PRKG1: variants seen among roughly 807,000 people sequenced by gnomAD.
PRKG1 encodes cGMP-dependent protein kinase 1.
Under a neutral mutation model 88.1 loss-of-function variants are expected in PRKG1, and 35 were observed. The ratio of observed to expected loss-of-function variants is 0.40; its 90% CI spans 0.30 to 0.53. The LOEUF (loss-of-function observed/expected upper bound fraction) is 0.53, where lower values mean the gene tolerates loss of function less well. Ranked by LOEUF, PRKG1 falls within the 20% of genes least tolerant of loss-of-function variation. The pLI is 0.59. For missense variants in PRKG1, 540 were observed against 839.8 expected, an observed-to-expected ratio of 0.64 and a Z score of 4.41; for synonymous variants, 303 against 292.5, an observed-to-expected ratio of 1.04 and a Z score of -0.37.
At chr10:51,604,083 C>T (rs952916574) in intron 3 of PRKG1, among the ~76,000 whole-genome samples, 34 of 104,974 alleles carry the variant, frequency 3.2e-4, no homozygotes, top group African/African-American at 1.2e-3. Context: ...AAGATCTGGT[C>T]CCTGCCTTTT....
In PRKG1 at chr10:52,112,187, A is replaced by G. The variant is rs79566039; in HGVS notation, c.936-21653A>G. 9.7e-3 allele frequency among the ~76,000 whole-genome samples: 1,472 copies of G among 152,230 alleles called. 22 individuals are homozygous for G. The highest frequency in any genetic ancestry group is 0.03 in the African/African-American group (1,248 of 41,536). On this transcript the variant is annotated intron_variant, in intron 7 of 17. Coordinates refer to ENST00000373980, the MANE Select transcript of PRKG1 (RefSeq NM_006258.4). ...AAATCTGGTCAATATCTCCTTTTTC[A>G]CATACTCACTCCTAAGGTTTCTACC...
At chr10:51,159,796 A>T (rs965943348) in intron 2 of PRKG1, among the ~76,000 whole-genome samples, 14 of 152,288 alleles carry the variant, frequency 9.2e-5, no homozygotes, top group African/African-American at 3.4e-4. Context: ...ACTGTTTTTA[A>T]GTGTGAAAAC....
chr10:51,888,533 A>G (rs1213784474), intron 4 of PRKG1, among the ~76,000 whole-genome samples: 1 of 152,224 alleles, frequency 6.6e-6, no homozygotes, highest in Non-Finnish European at 1.5e-5. Flanking sequence ...TCATAGACAC[A>G]GCTTCACTTT....
At chr10:51,766,521 C>G (rs183722537) in intron 3 of PRKG1, among the ~76,000 whole-genome samples, 1 of 152,208 alleles carries the variant, frequency 6.6e-6, no homozygotes, top group Admixed American at 6.5e-5. Context: ...CCTATCTGTG[C>G]CTGCAGTTTA....
chr10:51,539,726 T>C (rs564515635), intron 3 of PRKG1, among the ~76,000 whole-genome samples: 2 of 152,252 alleles, frequency 1.3e-5, no homozygotes, highest in Admixed American at 1.3e-4. Context: ...CCAGAGGAGA[T>C]AGGGTCAAAA....
At chr10:51,273,752 G>C in intron 2 of PRKG1, among the ~76,000 whole-genome samples, 1 of 152,200 alleles carries the variant, frequency 6.6e-6, no homozygotes, top group East Asian at 1.9e-4. Flanking sequence ...CTGGGGAAGA[G>C]AAACTGGAAC....
At chr10:50,993,905 T>G (rs1195143640) in intron 1 of PRKG1, among the ~76,000 whole-genome samples, 1 of 152,220 alleles carries the variant, frequency 6.6e-6, no homozygotes, top group Non-Finnish European at 1.5e-5. Flanking sequence ...TCTGTCCTTC[T>G]CTCTTCCCCT....
At chr10:51,153,941 T>C (rs1846141907) in intron 2 of PRKG1, among the ~76,000 whole-genome samples, 3 of 152,058 alleles carry the variant, frequency 2.0e-5, no homozygotes, top group Non-Finnish European at 2.9e-5. Context: ...TAATTTTTCA[T>C]AATACTTCTT....
At chr10:51,869,104 T>C (rs1436922892) in intron 4 of PRKG1, among the ~76,000 whole-genome samples, 2 of 152,224 alleles carry the variant, frequency 1.3e-5, no homozygotes, top group Non-Finnish European at 2.9e-5. Context: ...TGACTTTCAA[T>C]CTATGAATAT....
chr10:51,888,511 TTTA>T (rs1208417172), intron 4 of PRKG1, among the ~76,000 whole-genome samples: 18 of 152,256 alleles, frequency 1.2e-4, no homozygotes, highest in African/African-American at 3.6e-4. Context: ...CAATGGGACT[TTTA>T]TAGGCTGATC....
At position 51,082,226 on chromosome 10, in the gene PRKG1, C is replaced by G. The variant is rs34106354; in HGVS notation, c.311+7325C>G. 0.01 allele frequency among the ~76,000 whole-genome samples: 1,550 copies of G among 152,218 alleles called. 65 individuals are homozygous for G. In the East Asian group the frequency reaches 0.15, roughly 14 times the overall value. On this transcript the variant is annotated intron_variant, in intron 1 of 17. Transcript: ENST00000373980. ...TGAGCTCCAGAGCTTTTCTCCTTAG[C>G]CACTAGGCTCTCTTACTGCCCAAAG...
intron 2 of PRKG1, among the ~76,000 whole-genome samples, chr10:51,405,560 A>G (rs776621669): frequency 2.6e-5 from 4 of 152,228 alleles, no homozygotes; most frequent in Non-Finnish European, 5.9e-5. Flanking sequence ...GATTAAAACC[A>G]TATCGGAAAT....
Position 51,940,531 on chromosome 10 carries a change from G to GT in PRKG1, c.762+32966dup, listed in dbSNP as rs1295688181. On this transcript the variant is annotated intron_variant, in intron 5 of 17. Coordinates refer to ENST00000373980, the MANE Select transcript of PRKG1 (RefSeq NM_006258.4). ...TTGGATACCTATGATGGCTATACTG[G>GT]TTTTTCAAAGTTCAAGGAAAAATGG... Among the ~76,000 whole-genome samples the GT allele has an allele frequency of 2.0e-5, 3 of 151,772 alleles. 1 individual carries two copies. The highest frequency in any genetic ancestry group is 1.3e-4 in the Admixed American group (2 of 15,220).
intron 4 of PRKG1, among the ~76,000 whole-genome samples, chr10:51,850,479 T>C (rs1461930060): frequency 6.7e-6 from 1 of 150,068 alleles, no homozygotes; most frequent in Non-Finnish European, 1.5e-5. Flanking sequence ...GTCCAGCCCA[T>C]GTTGCAATTT....
chr10:51,217,594 A>G (rs1281104702), intron 2 of PRKG1, among the ~76,000 whole-genome samples: 1 of 152,156 alleles, frequency 6.6e-6, no homozygotes, highest in Non-Finnish European at 1.5e-5. Context: ...TTACACAAAT[A>G]AAGTGCCTCT....
intron 2 of PRKG1, among the ~76,000 whole-genome samples, chr10:51,253,722 G>A (rs1196151313): frequency 2.0e-5 from 3 of 151,860 alleles, no homozygotes; most frequent in African/African-American, 7.3e-5. Context: ...TTATCAGCGA[G>A]GTGCAGAGGA....
chr10:51,158,753 G>A (rs1387777963), intron 2 of PRKG1, among the ~76,000 whole-genome samples: 1 of 151,858 alleles, frequency 6.6e-6, no homozygotes, highest in African/African-American at 2.4e-5. Context: ...GTACCTTGGA[G>A]GCCTTATTTT....
intron 1 of PRKG1, among the ~76,000 whole-genome samples, chr10:51,107,569 G>A (rs185818106): frequency 5.3e-4 from 80 of 152,002 alleles, no homozygotes; most frequent in Non-Finnish European, 6.9e-4. Context: ...ATCTGGGCGC[G>A]TTCATGCCTA....
chr10:51,813,339 T>C (rs1407358040), intron 4 of PRKG1, among the ~76,000 whole-genome samples: 1 of 152,204 alleles, frequency 6.6e-6, no homozygotes, highest in African/African-American at 2.4e-5. Flanking sequence ...TTCAGTTACA[T>C]TTGCACCAAC....
Sources: allele counts gnomAD v4.1 joint callset (sites outside exome capture counted in the v4.1 genomes callset), GRCh38; gene constraint gnomAD v4.1.1; transcripts MANE v1.5; gene names NCBI Gene and HGNC (gene_info 2026-07-23, HGNC 2026-07-21).